Variants in PRX observed in about 807,000 individuals in gnomAD.
The protein encoded by PRX is periaxin.
PRX carries 24 observed loss-of-function variants against 29.6 expected under a neutral mutation model. The observed-to-expected ratio is 0.81, with a 90% CI of 0.59 to 1.14. The LOEUF (loss-of-function observed/expected upper bound fraction) is 1.14, where lower values mean the gene tolerates loss of function less well. Among genes scored for constraint, PRX ranks in the 50% most tolerant of loss-of-function variants. The probability of loss-of-function intolerance (pLI) is 0.00; values close to 1 mark genes in which losing one functional copy is unlikely to be tolerated. For missense variants in PRX, 1,838 were observed against 1,926.4 expected, an observed-to-expected ratio of 0.95 and a Z score of 0.86; for synonymous variants, 772 against 831.7, an observed-to-expected ratio of 0.93 and a Z score of 1.24.
At position 40,394,521 on chromosome 19, in the gene PRX, G is replaced by C. The variant is rs577796628; in HGVS notation, c.3831C>G (p.Pro1277=). The change falls in exon 7 of 7, where the codon CCC becomes CCG. Residue 1277 remains proline (P), a synonymous_variant. Coordinates refer to ENST00000324001, the MANE Select transcript of PRX (RefSeq NM_181882.3). This position sits in a 1 kb window ranked among gnomAD's most constrained non-coding sequence, Gnocchi z 5.8. ...GAERTFCLSL[P]DVELSPSGGN... is the part of the protein sequence containing the mutation. Reference sequence around the variant, plus strand: ...CCCCGGATGGCGAGAGCTCCACGTCGGGCAGTGAGAGGCAGAAGGTACGCT... The same window carrying C: ...CCCCGGATGGCGAGAGCTCCACGTCCGGCAGTGAGAGGCAGAAGGTACGCT... The C allele has an allele frequency of 2.6e-4, 409 of 1,600,950 alleles. No homozygotes were observed. The highest frequency in any genetic ancestry group is 3.3e-4 in the Non-Finnish European group (386 of 1,174,550).
rs750952608 is a variant in PRX at position 40,395,818 on chromosome 19, G to T, written c.2534C>A (p.Ala845Asp). 2 of 1,614,166 alleles carry T rather than the reference G, an allele frequency of 1.2e-6. No homozygotes were observed. The highest frequency in any genetic ancestry group is 1.7e-5 in the Admixed American group (1 of 60,026). ...PCLQPEVDGE[A>D]HVGVPSLTLP... Reference sequence around the variant, plus strand: ...AGTGAGAGAGGGGACACCCACATGAGCCTCACCATCCACCTCTGGCTGCAG... The same window carrying T: ...AGTGAGAGAGGGGACACCCACATGATCCTCACCATCCACCTCTGGCTGCAG... The change falls in exon 7 of 7, where the codon GCT becomes GAT. Residue 845 changes from alanine (A) to aspartate (D), a missense_variant. By Grantham distance (126) the Ala-to-Asp change is moderately radical. This residue lies in a region of PRX where 1,143 missense variants were observed against 1,193.0 expected (regional missense o/e 0.96). Transcript: ENST00000324001.
rs375201649 is a variant in PRX, at chr19:40,395,711, G to A, written c.2641C>T (p.Arg881Trp). The change falls in exon 7 of 7, where the codon CGG becomes TGG. Residue 881 changes from arginine (R) to tryptophan (W), a missense_variant. Arg to Trp is a moderately radical substitution (Grantham distance 101). This residue lies in a region of PRX where 1,143 missense variants were observed against 1,193.0 expected (regional missense o/e 0.96). Transcript: ENST00000324001. ...GCTGCCACCTCAGGGCCCTCCACCC[G>A]CTCTCCCTTGCCCATTTTAGCGGCT... is the stretch of plus-strand genomic sequence containing the variant. ...VPAAKMGKGE[R>W]VEGPEVAAGV... The A allele has an allele frequency of 3.7e-5, 60 of 1,614,006 alleles. No individual in the cohort carries two copies. The highest frequency in any genetic ancestry group is 3.3e-4 in the Middle Eastern group (2 of 6,048).
At chr19:40,403,948 T>C (rs566682428) in intron 4 of PRX, 86 bp from the exon 5 acceptor site, 13 of 1,418,508 alleles carry the variant, frequency 9.2e-6, no homozygotes, top group Admixed American at 2.0e-5. Flanking sequence ...GTGGCTCATA[T>C]ACATATATAT....
At chr19:40,403,910 C>T in intron 4 of PRX, 48 bp from the exon 5 acceptor site, 1 of 1,584,734 alleles carries the variant, frequency 6.3e-7, no homozygotes, top group Non-Finnish European at 8.5e-7. Context: ...GGCCGGACCT[C>T]GCCCAGAGCC....
At chr19:40,400,721 C>A (rs781443516) in intron 5 of PRX, among the ~76,000 whole-genome samples, 8 of 152,012 alleles carry the variant, frequency 5.3e-5, no homozygotes, top group Non-Finnish European at 1.0e-4. Flanking sequence ...CAAATGCAGG[C>A]CCGTGCCACC....
intron 4 of PRX, 128 bp downstream of exon 4, chr19:40,407,778 T>C: frequency 7.5e-7 from 1 of 1,328,798 alleles, no homozygotes; most frequent in Admixed American, 1.7e-5. Flanking sequence ...AAATAGACCC[T>C]GTTATTATTT....
chr19:40,394,490 G>A lies in PRX; in HGVS notation c.3862C>T (p.His1288Tyr). The change falls in exon 7 of 7, where the codon CAT becomes TAT. Residue 1288 changes from histidine to tyrosine, a missense_variant. His to Tyr is a moderately conservative substitution (Grantham distance 83). Coordinates refer to ENST00000324001, the MANE Select transcript of PRX (RefSeq NM_181882.3). This position sits in a 1 kb window ranked among gnomAD's most constrained non-coding sequence, Gnocchi z 5.8. ...CCCTCTGCCACCTGGTACTCGGCAT[G>A]GTTGCCCCCGGATGGCGAGAGCTCC... ...DVELSPSGGN[H>Y]AEYQVAEGEG... is the part of the protein sequence containing the mutation. 6.2e-7 allele frequency: 1 copy of A among 1,600,414 alleles called. No individual in the cohort carries two copies. Among genetic ancestry groups the A allele is most frequent in the Non-Finnish European group, 8.5e-7 (1 of 1,174,174 alleles).
At chr19:40,400,592 C>CA (rs71171569) in intron 5 of PRX, among the ~76,000 whole-genome samples, 695 of 44,800 alleles carry the variant, frequency 0.016, 50 homozygotes, top group Non-Finnish European at 0.018. Flanking sequence ...AATTCCATCT[C>CA]AAAAAAAAAA....
Position 40,398,080 on chromosome 19 carries a change from A to T in PRX, c.382-110T>A. ...AGGCGGGGGATGTGCTGGGTCAAGTATCTTGTTCCCCAAACATCATCCCCA... is the reference window on the plus strand; with the variant it reads ...AGGCGGGGGATGTGCTGGGTCAAGTTTCTTGTTCCCCAAACATCATCCCCA... On this transcript the variant is annotated intron_variant, in intron 6 of 6. Transcript: ENST00000324001. The surrounding 1 kb of genome is among the most constrained non-coding windows in gnomAD (Gnocchi z 6.3). 1 of 1,458,648 alleles carries T rather than the reference A, an allele frequency of 6.9e-7. No homozygotes were observed. The highest frequency in any genetic ancestry group is 9.0e-7 in the Non-Finnish European group (1 of 1,105,378). The allele number at this position is 1,458,648 out of a possible 1,614,324, so 90.4% of individuals were successfully genotyped here.
At chr19:40,408,604 T>G (rs1244552604) in intron 1 of PRX, among the ~76,000 whole-genome samples, 1 of 152,194 alleles carries the variant, frequency 6.6e-6, no homozygotes, top group East Asian at 1.9e-4. Context: ...GCCAAAGATC[T>G]TGGCCAACTG....
rs2079461848 is a variant in PRX, at chr19:40,398,303, C to A, written c.381+317G>T. On this transcript the variant is annotated intron_variant, in intron 6 of 6. Transcript: ENST00000324001. The surrounding 1 kb of genome is among the most constrained non-coding windows in gnomAD (Gnocchi z 6.3). ...AACAACTTTGTCCAGGGCCACTCAG[C>A]AGTAATTGGGCCAGCACTCAGGCTG... 2.1e-6 allele frequency: 3 copies of A among 1,422,022 alleles called. No individual in the cohort carries two copies. The Middle Eastern group carries it at 7.8e-4, about 369-fold the overall frequency. The allele number at this position is 1,422,022 out of a possible 1,614,324, so 88.1% of individuals were successfully genotyped here.
rs144898712 is a variant in PRX, at chr19:40,407,585, G to A, written c.27+321C>T. On this transcript the variant is annotated intron_variant, in intron 4 of 6. Transcript: ENST00000324001. ...CAAAGTGCTGGAATTCCAGGCCTGC[G>A]CCACTGCACCTGGCATATGCTGCCT... 4,058 of 491,888 alleles carry A rather than the reference G, an allele frequency of 8.2e-3. 31 individuals are homozygous for A. The highest frequency in any genetic ancestry group is 0.014 in the Middle Eastern group (25 of 1,768). 30.5% of individuals were successfully genotyped at this position (491,888 alleles called of 1,614,324 possible).
chr19:40,397,098 G>A lies in PRX; in HGVS notation c.1254C>T (p.Pro418=), dbSNP rs1294210063. Residue 418 remains proline (P), a synonymous_variant, in exon 7 of 7, where the codon CCC becomes CCT. Transcript: ENST00000324001. ...TGCCAAGGGAGGGCATCTTGATGGT[G>A]GGCAGCTTCAGCTTGCTCTCTACAA... is the stretch of plus-strand genomic sequence containing the variant. The part of the protein sequence containing the change: ...PEVVESKLKL[P]TIKMPSLGIG... 1.2e-6 allele frequency: 2 copies of A among 1,613,984 alleles called. No homozygotes were observed. Among genetic ancestry groups the A allele is most frequent in the Admixed American group, 1.7e-5 (1 of 60,002 alleles).
chr19:40,394,069 T>A lies in PRX; in HGVS notation c.4283A>T (p.Gln1428Leu). Residue 1428 changes from glutamine to leucine, a missense_variant, in exon 7 of 7, where the codon CAG becomes CTG. By Grantham distance (113) the Gln-to-Leu change is moderately radical (BLOSUM62 -2). Coordinates refer to ENST00000324001, the MANE Select transcript of PRX (RefSeq NM_181882.3). This position sits in a 1 kb window ranked among gnomAD's most constrained non-coding sequence, Gnocchi z 5.8. ...SPKARSGSGD[Q>L]EEGGLRVRLP... is the part of the protein sequence containing the mutation. The stretch of plus-strand genomic sequence containing the variant: ...CCGCACCCGCAATCCACCCTCTTCC[T>A]GGTCCCCACTCCCACTCCGGGCCTT... 6.2e-7 allele frequency: 1 copy of A among 1,612,028 alleles called. No individual in the cohort carries two copies. The highest frequency in any genetic ancestry group is 8.5e-7 in the Non-Finnish European group (1 of 1,178,464).
chr19:40,399,904 TTTTTCTTTCTTTCTTTCTTTCA>T (rs2079480768), intron 5 of PRX, among the ~76,000 whole-genome samples: 1 of 66,194 alleles, frequency 1.5e-5, no homozygotes, highest in African/African-American at 9.3e-5. Context: ...TCTTTCTTTC[TTTTTCTTTCTTTCTTTCTTTCA>T]CCCAGCTTTC....
chr19:40,409,425 C>T (rs1274150676), intron 1 of PRX, among the ~76,000 whole-genome samples: 1 of 150,522 alleles, frequency 6.6e-6, no homozygotes, highest in Non-Finnish European at 1.5e-5. Flanking sequence ...GTGCCAGGCA[C>T]CTGGCAGGTG....
At chr19:40,406,973 C>T (rs1013744603) in intron 4 of PRX, among the ~76,000 whole-genome samples, 1 of 151,766 alleles carries the variant, frequency 6.6e-6, no homozygotes, top group Admixed American at 6.6e-5. Flanking sequence ...GGGGTTTCAC[C>T]GTATTGGCCA....
At chr19:40,404,269 C>T (rs2079516957) in intron 4 of PRX, among the ~76,000 whole-genome samples, 1 of 152,142 alleles carries the variant, frequency 6.6e-6, no homozygotes, top group Non-Finnish European at 1.5e-5. Flanking sequence ...CGGCTGGCCT[C>T]TCCGAGGCCC....
chr19:40,410,489 C>G (rs1202053824), intron 1 of PRX, among the ~76,000 whole-genome samples: 1 of 152,136 alleles, frequency 6.6e-6, no homozygotes, highest in Non-Finnish European at 1.5e-5. Flanking sequence ...TCTGCATCTC[C>G]TAGGGGGTCC....
Sources: gnomAD v4.1 joint callset for allele counts (sites outside exome capture counted in the v4.1 genomes callset) on GRCh38, gnomAD v4.1.1 for gene constraint, gnomAD v4.1.1 regional missense constraint, Gnocchi (gnomAD v3.1) non-coding constraint, MANE v1.5 for transcripts, NCBI Gene and HGNC (gene_info 2026-07-23, HGNC 2026-07-21) for gene names.